Variants in AFTPH observed in about 807,000 individuals in gnomAD.
The protein encoded by AFTPH is aftiphilin, also known as aftiphilin protein.
In AFTPH, 7 loss-of-function variants were observed where a neutral mutation model predicts 72.5. The observed-to-expected ratio is 0.10, with a 90% CI of 0.05 to 0.18. The LOEUF is 0.18. Ranked by LOEUF, AFTPH falls within the 10% of genes least tolerant of loss-of-function variation. AFTPH has a pLI of 1.00. For missense variants in AFTPH, 979 were observed against 1,060.5 expected (o/e 0.92, Z 1.07); for synonymous variants, 337 against 370.1 (o/e 0.91, Z 1.03).
chr2:64,592,760 C>G (rs1449147022), exon 9 of AFTPH: 2 of 152,342 alleles, frequency 1.3e-5, no homozygotes, highest in Non-Finnish European at 2.9e-5. Context: ...TTTTTTTGTT[C>G]TATTGTACCA....
intron 7 of AFTPH, 115 bp downstream of exon 7, chr2:64,579,661 C>CTT (rs1221120512): frequency 9.8e-6 from 9 of 915,586 alleles, no homozygotes; most frequent in Middle Eastern, 2.4e-4. Flanking sequence ...TTATTCTTAT[C>CTT]TTTGGAAATT....
chr2:64,562,626 A>G (rs1323581576), intron 2 of AFTPH, among the ~76,000 whole-genome samples: 1 of 152,190 alleles, frequency 6.6e-6, no homozygotes, highest in Non-Finnish European at 1.5e-5. Flanking sequence ...TGGAGATGAT[A>G]TTATTACCTC....
exon 9 of AFTPH, chr2:64,592,932 G>T (rs1673907537): frequency 6.6e-6 from 1 of 152,612 alleles, no homozygotes. Context: ...TAATGTGCAT[G>T]CCCAAGGTCT....
intron 1 of AFTPH, among the ~76,000 whole-genome samples, chr2:64,546,422 A>G (rs1430825436): frequency 6.6e-6 from 1 of 152,208 alleles, no homozygotes; most frequent in East Asian, 1.9e-4. Context: ...ATTGTCTAAT[A>G]TATGCCAAAG....
At chr2:64,561,161 G>A (rs951554253) in intron 2 of AFTPH, among the ~76,000 whole-genome samples, 2 of 152,182 alleles carry the variant, frequency 1.3e-5, no homozygotes, top group African/African-American at 4.8e-5. Context: ...AATAGCATTT[G>A]ATTTTTAATC....
intron 2 of AFTPH, 133 bp downstream of exon 2, chr2:64,553,542 T>G: frequency 1.0e-6 from 1 of 972,430 alleles, no homozygotes; most frequent in East Asian, 2.9e-5. Flanking sequence ...AATGCCTGTC[T>G]GATTTGTGGG....
intron 7 of AFTPH, 70 bp from the exon 9 acceptor site, chr2:64,585,352 A>G (rs1448156266): frequency 1.9e-6 from 3 of 1,577,858 alleles, no homozygotes; most frequent in East Asian, 2.2e-5. Flanking sequence ...TGCCTTTTGC[A>G]TCTTGGATTG....
chr2:64,566,759 T>G (rs1672113878), intron 2 of AFTPH, among the ~76,000 whole-genome samples: 1 of 149,692 alleles, frequency 6.7e-6, no homozygotes, highest in Admixed American at 6.6e-5. Flanking sequence ...CAAGTTTTAG[T>G]TAATAAAAAT....
intron 8 of AFTPH, among the ~76,000 whole-genome samples, chr2:64,587,950 T>C (rs932410547): frequency 4.6e-5 from 7 of 152,240 alleles, no homozygotes; most frequent in Admixed American, 4.6e-4. Flanking sequence ...TATTCTTTTT[T>C]AGGCCTTTTT....
chr2:64,559,180 A>C, intron 2 of AFTPH, among the ~76,000 whole-genome samples: 1 of 152,230 alleles, frequency 6.6e-6, no homozygotes, highest in East Asian at 1.9e-4. Flanking sequence ...TGAGACTTGC[A>C]ATACACTTAA....
At chr2:64,563,880 AC>A (rs1482224012) in intron 2 of AFTPH, among the ~76,000 whole-genome samples, 1 of 152,136 alleles carries the variant, frequency 6.6e-6, no homozygotes, top group East Asian at 1.9e-4. Flanking sequence ...TGCTGGAATT[AC>A]AGGCATGAGC....
intron 8 of AFTPH, among the ~76,000 whole-genome samples, chr2:64,586,743 C>CT (rs1673541636): frequency 1.3e-5 from 2 of 152,346 alleles, no homozygotes; most frequent in South Asian, 4.1e-4. Context: ...CCAAAGCCTC[C>CT]TCTTCAATGA....
intron 1 of AFTPH, among the ~76,000 whole-genome samples, chr2:64,542,838 G>A (rs1670339914): frequency 6.6e-6 from 1 of 152,166 alleles, no homozygotes; most frequent in African/African-American, 2.4e-5. Context: ...ATTGACTTAG[G>A]TTTTGTTACA....
At chr2:64,528,431 C>T (rs1223186478) in intron 1 of AFTPH, among the ~76,000 whole-genome samples, 2 of 152,164 alleles carry the variant, frequency 1.3e-5, no homozygotes, top group African/African-American at 4.8e-5. Context: ...TGTACTCACA[C>T]ATTTGTGTAC....
At chr2:64,585,325 A>G in intron 7 of AFTPH, 97 bp from the exon 9 acceptor site, 1 of 1,417,644 alleles carries the variant, frequency 7.1e-7, no homozygotes, top group Non-Finnish European at 9.8e-7. Flanking sequence ...TAAAACACTC[A>G]GATGTTTACA....
At chr2:64,565,075 GCAATC>G (rs1356364266) in intron 2 of AFTPH, among the ~76,000 whole-genome samples, 3 of 151,956 alleles carry the variant, frequency 2.0e-5, no homozygotes, top group Admixed American at 6.6e-5. Context: ...CTGAGCTCAA[GCAATC>G]CACCCGCCTC....
intron 2 of AFTPH, among the ~76,000 whole-genome samples, chr2:64,561,097 T>C (rs1428212888): frequency 6.6e-6 from 1 of 152,208 alleles, no homozygotes; most frequent in African/African-American, 2.4e-5. Flanking sequence ...CTTGGCTTCA[T>C]AGCATTGGAC....
exon 1 of AFTPH, chr2:64,524,386 A>C (rs1669116623): frequency 5.0e-6 from 2 of 403,468 alleles, no homozygotes; most frequent in Non-Finnish European, 4.4e-6. Flanking sequence ...GAGGTGGAGG[A>C]GGCGGCGGCG....
intron 6 of AFTPH, among the ~76,000 whole-genome samples, chr2:64,574,862 T>C (rs142245290): frequency 1.3e-5 from 2 of 152,366 alleles, no homozygotes; most frequent in African/African-American, 4.8e-5. Context: ...GCCCTGTCTA[T>C]GCATATTTCA....
Sources: allele counts gnomAD v4.1 joint callset (sites outside exome capture counted in the v4.1 genomes callset), GRCh38; gene constraint gnomAD v4.1.1; transcripts MANE v1.5; gene names NCBI Gene and HGNC (gene_info 2026-07-23, HGNC 2026-07-21).